The following XIRP1 variants were observed in gnomAD, a reference collection of about 807,000 sequenced individuals.
The protein encoded by XIRP1 is xin actin binding repeat containing 1, also known as xin actin-binding repeat-containing protein 1.
For synonymous variants in XIRP1, 984 were observed against 947.0 expected (o/e 1.04, Z -0.72); for missense variants, 2,378 against 2,345.4 (o/e 1.01, Z -0.29).
chr3:39,190,641 C>T (rs1226701092), intron 1 of XIRP1, among the ~76,000 whole-genome samples: 2 of 152,074 alleles, frequency 1.3e-5, no homozygotes, highest in East Asian at 3.9e-4. Flanking sequence ...CTCTCCCCGG[C>T]TACACCCCCG....
rs145798293 is a variant in XIRP1 at position 39,188,994 on chromosome 3, C to T, written c.452G>A (p.Gly151Glu). 2.0e-5 allele frequency: 32 copies of T among 1,613,246 alleles called. No homozygotes were observed. In the East Asian group the frequency reaches 3.3e-4, roughly 17 times the overall value. ...TAGCCAGCGGGCTGCACGAACGTCTCCTCCACCTGGCTGGGGCCTGGTTGG... is the reference window on the plus strand; with the variant it reads ...TAGCCAGCGGGCTGCACGAACGTCTTCTCCACCTGGCTGGGGCCTGGTTGG... ...QEPTRPQPGG[G>E]DVRAARWLFE... is the part of the protein sequence containing the mutation. The change falls in exon 2 of 2, where the codon GGA becomes GAA. Residue 151 changes from glycine (G) to glutamate (E), a missense_variant. Physicochemically the swap from Gly to Glu is moderately conservative, Grantham distance 98. Transcript: ENST00000340369.
At position 39,187,999 on chromosome 3, in the gene XIRP1, C is replaced by G; in HGVS notation, c.1447G>C (p.Val483Leu). 6.2e-7 allele frequency: 1 copy of G among 1,614,236 alleles called. No homozygotes were observed. Among genetic ancestry groups the G allele is most frequent in the Non-Finnish European group, 8.5e-7 (1 of 1,180,048 alleles). ...CCCTTGCTGTCCTGCATGGCATACA[C>G]TGGGGACCCTATGCCCTGGGCCTGC... ...AGQAQGIGSP[V>L]YAMQDSKGRL... The change falls in exon 2 of 2, where the codon GTG becomes CTG. Residue 483 changes from valine (V) to leucine (L), a missense_variant. Coordinates refer to ENST00000340369, the MANE Select transcript of XIRP1 (RefSeq NM_194293.4).
At position 39,189,486 on chromosome 3, in the gene XIRP1, A is replaced by T. The variant is rs201985914; in HGVS notation, c.-41T>A. ...GGGCAGAGATGAGGATGGGATTGGG[A>T]GCCTTAGATCTAGATGTTCAGCAGG... is the stretch of plus-strand genomic sequence containing the variant. On this transcript the variant is annotated 5_prime_UTR_variant, in exon 2 of 2. Transcript: ENST00000340369. The T allele has an allele frequency of 3.3e-4, 511 of 1,541,140 alleles. No homozygotes were observed. The highest frequency in any genetic ancestry group is 4.1e-4 in the Non-Finnish European group (474 of 1,145,514).
In XIRP1 at chr3:39,187,560, A is replaced by T. The variant is rs1408520527; in HGVS notation, c.1886T>A (p.Met629Lys). The T allele has an allele frequency of 6.2e-7, 1 of 1,613,928 alleles. No individual in the cohort carries two copies. Among genetic ancestry groups the T allele is most frequent in the African/African-American group, 1.3e-5 (1 of 74,922 alleles). The change falls in exon 2 of 2, where the codon ATG (methionine) becomes AAG (lysine). Residue 629 changes from methionine to lysine, a missense_variant. Physicochemically the swap from Met to Lys is moderately conservative, Grantham distance 95. Coordinates refer to ENST00000340369, the MANE Select transcript of XIRP1 (RefSeq NM_194293.4). ...AKAEAQSCTW[M>K]FKPQPVDRPV... The stretch of plus-strand genomic sequence containing the variant: ...CCTGTCCACAGGTTGGGGCTTGAAC[A>T]TCCAGGTGCAGGACTGTGCCTCAGC...
At position 39,183,979 on chromosome 3, in the gene XIRP1, T is replaced by C. The variant is rs766235704; in HGVS notation, c.5467A>G (p.Ser1823Gly). Residue 1823 changes from serine (S) to glycine (G), a missense_variant, in exon 2 of 2, where the codon AGT becomes GGT. Coordinates refer to ENST00000340369, the MANE Select transcript of XIRP1 (RefSeq NM_194293.4). ...QFLHSPAGFS[S>G]DLTEAETVQV... ...ACCGTCTCAGCTTCTGTCAGGTCAC[T>C]GCTGAACCCAGCTGGGCTGTGCAGG... The C allele has an allele frequency of 7.4e-6, 12 of 1,612,540 alleles. No individual in the cohort carries two copies. The highest frequency in any genetic ancestry group is 1.0e-5 in the Non-Finnish European group (12 of 1,179,942).
Position 39,185,352 on chromosome 3 carries a change from T to G in XIRP1, c.4094A>C (p.Glu1365Ala). 1 of 1,614,178 alleles carries G rather than the reference T, an allele frequency of 6.2e-7. No individual in the cohort carries two copies. The highest frequency in any genetic ancestry group is 1.3e-5 in the African/African-American group (1 of 75,050). Residue 1365 changes from glutamate to alanine, a missense_variant, in exon 2 of 2, where the codon GAG (glutamate) becomes GCG (alanine). Physicochemically the swap from Glu to Ala is moderately radical, Grantham distance 107 (BLOSUM62 -1). Transcript: ENST00000340369. ...EVGQREHQRGERDTAIPQPAK... is the reference protein window; with the variant it reads ...EVGQREHQRGARDTAIPQPAK... ...TGGCTGAGGGATGGCTGTATCTCTC[T>G]CACCTCGTTGGTGTTCTCTTTGCCC...
At position 39,186,090 on chromosome 3, in the gene XIRP1, T is replaced by G; in HGVS notation, c.3356A>C (p.Lys1119Thr). The G allele has an allele frequency of 1.9e-6, 3 of 1,613,748 alleles. No individual in the cohort carries two copies. The highest frequency in any genetic ancestry group is 2.5e-6 in the Non-Finnish European group (3 of 1,179,726). The stretch of plus-strand genomic sequence containing the variant: ...TAGTGCTTGCTCTTCCCTACTGACC[T>G]TTCTGGGGGCTGCTGGGATCCGGGG... ...SDPRIPAAPR[K>T]VSREEQALPR... Residue 1119 changes from lysine to threonine, a missense_variant, in exon 2 of 2, where the codon AAG becomes ACG. Physicochemically the swap from Lys to Thr is moderately conservative, Grantham distance 78 (BLOSUM62 -1). Coordinates refer to ENST00000340369, the MANE Select transcript of XIRP1 (RefSeq NM_194293.4).
rs1575179440 is a variant in XIRP1, at chr3:39,186,008, A to T, written c.3438T>A (p.His1146Gln). ...CAGGTGGGTCAAAGGTCCTCACGGG[A>T]TGAGCGGTGTAGATGCCATCCTGAA... ...VTIQDGIYTAHPVRTFDPPGG... is the reference protein window; with the variant it reads ...VTIQDGIYTAQPVRTFDPPGG... The change falls in exon 2 of 2, where the codon CAT (histidine) becomes CAA (glutamine). Residue 1146 changes from histidine (H) to glutamine (Q), a missense_variant. Physicochemically the swap from His to Gln is conservative, Grantham distance 24. Coordinates refer to ENST00000340369, the MANE Select transcript of XIRP1 (RefSeq NM_194293.4). 6.2e-7 allele frequency: 1 copy of T among 1,614,108 alleles called. No homozygotes were observed. The highest frequency in any genetic ancestry group is 8.5e-7 in the Non-Finnish European group (1 of 1,179,982).
Position 39,189,273 on chromosome 3 carries a change from T to C in XIRP1, c.173A>G (p.Tyr58Cys), listed in dbSNP as rs1198810099. The C allele has an allele frequency of 5.0e-6, 8 of 1,613,796 alleles. No individual in the cohort carries two copies. Among genetic ancestry groups the C allele is most frequent in the South Asian group, 1.1e-5 (1 of 91,088 alleles). Reference protein sequence around the residue: ...QRQASELRRLYRHIHPELRKN... With the variant: ...QRQASELRRLCRHIHPELRKN... ...GCGGAGCTCAGGGTGGATGTGCCTG[T>C]AGAGGCGGCGGAGCTCACTAGCTTG... The change falls in exon 2 of 2, where the codon TAC becomes TGC. Residue 58 changes from tyrosine to cysteine, a missense_variant. By Grantham distance (194) the Tyr-to-Cys change is radical. Transcript: ENST00000340369.
chr3:39,189,951 A>G (rs1358913842), intron 1 of XIRP1, among the ~76,000 whole-genome samples: 2 of 152,126 alleles, frequency 1.3e-5, no homozygotes, highest in Non-Finnish European at 2.9e-5. Context: ...CTGATTTCCT[A>G]TGGAGACGAG....
chr3:39,185,514 G>C lies in XIRP1; in HGVS notation c.3932C>G (p.Thr1311Ser). The change falls in exon 2 of 2, where the codon ACC becomes AGC. Residue 1311 changes from threonine to serine, a missense_variant. Coordinates refer to ENST00000340369, the MANE Select transcript of XIRP1 (RefSeq NM_194293.4). The part of the protein sequence containing the change: ...QRTPGGSQTK[T>S]PKLDPTMPPK... ...GGGCATGGTGGGGTCCAGTTTTGGG[G>C]TCTTTGTCTGTGACCCTCCAGGGGT... The C allele has an allele frequency of 6.4e-7, 1 of 1,558,036 alleles. No individual in the cohort carries two copies. Among genetic ancestry groups the C allele is most frequent in the Non-Finnish European group, 8.7e-7 (1 of 1,153,066 alleles).
At chr3:39,191,437 G>T (rs926682042) in intron 1 of XIRP1, among the ~76,000 whole-genome samples, 2 of 151,206 alleles carry the variant, frequency 1.3e-5, no homozygotes, top group African/African-American at 4.9e-5. Flanking sequence ...GGGATGTCAG[G>T]CCTAAGGACC....
rs751101199 is a variant in XIRP1 at position 39,187,733 on chromosome 3, C to T, written c.1713G>A (p.Gln571=). 9 of 1,614,120 alleles carry T rather than the reference C, an allele frequency of 5.6e-6. No individual in the cohort carries two copies. In the Admixed American group the frequency reaches 1.3e-4, roughly 24 times the overall value. ...MIHQREQQER[Q]KEEGKSQGDP... ...CTCCCTGACTCTTCCCTTCTTCTTT[C>T]TGTCGTTCCTGCTGCTCCCGTTGGT... The change falls in exon 2 of 2, where the codon CAG becomes CAA. Residue 571 remains glutamine, a synonymous_variant. Transcript: ENST00000340369.
chr3:39,185,532 C>T lies in XIRP1; in HGVS notation c.3914G>A (p.Gly1305Glu), dbSNP rs2039951270. The change falls in exon 2 of 2, where the codon GGA becomes GAA. Residue 1305 changes from glycine (G) to glutamate (E), a missense_variant. Gly to Glu is a moderately conservative substitution (Grantham distance 98). Transcript: ENST00000340369. ...HSSPAGQRTP[G>E]GSQTKTPKLD... ...TTTTGGGGTCTTTGTCTGTGACCCTCCAGGGGTTCTCTGGCCAGCAGGGCT... is the reference window on the plus strand; with the variant it reads ...TTTTGGGGTCTTTGTCTGTGACCCTTCAGGGGTTCTCTGGCCAGCAGGGCT... The T allele has an allele frequency of 6.4e-7, 1 of 1,561,020 alleles. No homozygotes were observed.
rs761134173 is a variant in XIRP1 at position 39,186,275 on chromosome 3, ACT to A, written c.3169_3170del (p.Leu1058AlafsTer6). On this transcript the variant is annotated frameshift_variant, in exon 2 of 2. Transcript: ENST00000340369. LOFTEE classifies it low-confidence loss of function (END_TRUNC). The part of the protein sequence containing the change: ...GAPDLLAAMQ[S>X]LRMATAEAQS... ...GGGCTTCAGCTGTTGCCATCCGCAG[ACT>A]CTGCATGGCGGCCAGGAGGTCTGGG... 1.9e-6 allele frequency: 3 copies of A among 1,613,360 alleles called. No homozygotes were observed. The South Asian group carries it at 3.3e-5, about 18-fold the overall frequency.
chr3:39,187,693 C>T lies in XIRP1; in HGVS notation c.1753G>A (p.Ala585Thr). ...GKSQGDPQPEAPPKGDVQTIR... is the reference protein window; with the variant it reads ...GKSQGDPQPETPPKGDVQTIR... ...GTCTGCACATCGCCCTTTGGGGGTGCCTCAGGCTGGGGGTCTCCCTGACTC... is the reference window on the plus strand; with the variant it reads ...GTCTGCACATCGCCCTTTGGGGGTGTCTCAGGCTGGGGGTCTCCCTGACTC... Residue 585 changes from alanine (A) to threonine (T), a missense_variant, in exon 2 of 2, where the codon GCA (alanine) becomes ACA (threonine). Transcript: ENST00000340369. 3.7e-6 allele frequency: 6 copies of T among 1,614,040 alleles called. No individual in the cohort carries two copies. The highest frequency in any genetic ancestry group is 5.1e-6 in the Non-Finnish European group (6 of 1,180,040).
At position 39,183,547 on chromosome 3, in the gene XIRP1, G is replaced by T; in HGVS notation, c.*367C>A. Reference sequence around the variant, plus strand: ...TAAAGAAATAAAAACTCTGGGTAGAGGGACACTCTGGGGGGCTCCAATTCA... The same window carrying T: ...TAAAGAAATAAAAACTCTGGGTAGATGGACACTCTGGGGGGCTCCAATTCA... On this transcript the variant is annotated 3_prime_UTR_variant, in exon 2 of 2. Transcript: ENST00000340369. 4.4e-6 allele frequency: 1 copy of T among 225,810 alleles called. No homozygotes were observed. Among genetic ancestry groups the T allele is most frequent in the South Asian group, 1.1e-4 (1 of 9,520 alleles). 14.0% of individuals were successfully genotyped at this position (225,810 alleles called of 1,614,324 possible).
chr3:39,191,060 T>G (rs2040080919), intron 1 of XIRP1, among the ~76,000 whole-genome samples: 1 of 152,052 alleles, frequency 6.6e-6, no homozygotes, highest in Non-Finnish European at 1.5e-5. Context: ...GTACTGGAAG[T>G]AAGTGGGGCA....
chr3:39,186,485 G>A lies in XIRP1; in HGVS notation c.2961C>T (p.Ala987=). ...DPSMGMGHLR[A]SGATPCPPQA... ...GAGGAGGGCAAGGGGTGGCCCCTGA[G>A]GCTCTCAGATGCCCCATCCCCATGC... The change falls in exon 2 of 2, where the codon GCC becomes GCT. Residue 987 remains alanine (A), a synonymous_variant. Coordinates refer to ENST00000340369, the MANE Select transcript of XIRP1 (RefSeq NM_194293.4). 6.2e-7 allele frequency: 1 copy of A among 1,614,044 alleles called. No individual in the cohort carries two copies.
Sources: gnomAD v4.1 joint callset for allele counts (sites outside exome capture counted in the v4.1 genomes callset) on GRCh38, gnomAD v4.1.1 for gene constraint, MANE v1.5 for transcripts, NCBI Gene and HGNC (gene_info 2026-07-23, HGNC 2026-07-21) for gene names.